Variants in ANK2 observed in about 807,000 individuals in gnomAD.
ANK2 encodes ankyrin-2.
In ANK2, 83 loss-of-function variants were observed where a neutral mutation model predicts 360.5. The ratio of observed to expected loss-of-function variants is 0.23; its 90% CI spans 0.19 to 0.28. The LOEUF (loss-of-function observed/expected upper bound fraction) is 0.28, where lower values mean the gene tolerates loss of function less well. Ranked by LOEUF, ANK2 falls within the 10% of genes least tolerant of loss-of-function variation. ANK2 has a pLI of 1.00. For missense variants in ANK2, 4,201 were observed against 4,795.7 expected (o/e 0.88, Z 3.66); for synonymous variants, 1,740 against 1,759.5 (o/e 0.99, Z 0.28).
At chr4:113,257,545 A>C (rs1439756142) in intron 11 of ANK2, among the ~76,000 whole-genome samples, 1 of 152,222 alleles carries the variant, frequency 6.6e-6, no homozygotes, top group African/African-American at 2.4e-5. Context: ...TGCTGACTAG[A>C]AATATGCCCT....
intron 1 of ANK2, among the ~76,000 whole-genome samples, chr4:113,074,419 A>G (rs1424879331): frequency 6.6e-6 from 1 of 152,098 alleles, no homozygotes; most frequent in Non-Finnish European, 1.5e-5. Flanking sequence ...TGGCCTCAGT[A>G]TTTTTTCATA....
intron 4 of ANK2, among the ~76,000 whole-genome samples, chr4:113,207,037 C>T (rs565285342): frequency 3.3e-5 from 5 of 152,056 alleles, no homozygotes; most frequent in African/African-American, 1.2e-4. Context: ...AAAAAATTGC[C>T]AAGAAAGACA....
intron 2 of ANK2, among the ~76,000 whole-genome samples, chr4:113,193,140 A>G (rs910410415): frequency 6.6e-6 from 1 of 152,114 alleles, no homozygotes; most frequent in South Asian, 2.1e-4. Flanking sequence ...CAAATTCCAG[A>G]TCTCATTGTA....
chr4:113,024,131 C>G (rs1386818966), intron 2 of ANK2, among the ~76,000 whole-genome samples: 1 of 151,916 alleles, frequency 6.6e-6, no homozygotes, highest in Non-Finnish European at 1.5e-5. Flanking sequence ...CTTAAAGAGA[C>G]CAAGAAAGAG....
Position 113,381,703 on chromosome 4 carries a change from G to A in ANK2, c.*232G>A, listed in dbSNP as rs2097176674. The A allele has an allele frequency of 7.3e-6, 11 of 1,507,968 alleles. No individual in the cohort carries two copies. The highest frequency in any genetic ancestry group is 9.8e-6 in the Non-Finnish European group (11 of 1,123,676). The allele number at this position is 1,507,968 out of a possible 1,614,324, so 93.4% of individuals were successfully genotyped here. A position where few individuals can be genotyped will look rare whatever the true frequency, so the allele number is the denominator to read the frequency against. On this transcript the variant is annotated 3_prime_UTR_variant, in exon 46 of 46. Coordinates refer to ENST00000357077, the MANE Select transcript of ANK2 (RefSeq NM_001148.6). ...ACTCAATATGCAGCTTCCTGTTTCAGTAGGGGAGTGACCTAACTGGCCTAA... is the reference window on the plus strand; with the variant it reads ...ACTCAATATGCAGCTTCCTGTTTCAATAGGGGAGTGACCTAACTGGCCTAA...
rs186054853 is a variant in ANK2, at chr4:113,285,624, C to T, written c.2080-1981C>T. ...ATGCCCTTCCTGGGTGCACCACCCT[C>T]CACAAGGAAGCTCCAAGTGTTCAGC... On this transcript the variant is annotated intron_variant, in intron 18 of 45. Coordinates refer to ENST00000357077, the MANE Select transcript of ANK2 (RefSeq NM_001148.6). Among the ~76,000 whole-genome samples, 604 of 152,326 alleles carry T rather than the reference C, an allele frequency of 4.0e-3. 5 individuals are homozygous for T. Among genetic ancestry groups the T allele is most frequent in the Middle Eastern group, 0.034 (10 of 294 alleles).
the ANK2 span, among the ~76,000 whole-genome samples, chr4:112,790,715 T>C: frequency 6.6e-6 from 1 of 152,080 alleles, no homozygotes; most frequent in East Asian, 1.9e-4. Flanking sequence ...CTCGAACTCC[T>C]GGACTAAGCG....
chr4:112,905,424 A>G (rs1412657353), intron 2 of ANK2, among the ~76,000 whole-genome samples: 1 of 152,220 alleles, frequency 6.6e-6, no homozygotes, highest in African/African-American at 2.4e-5. Context: ...TTTTTAAAGC[A>G]TTTCTCATTT....
At chr4:112,878,511 G>A (rs891943671) in intron 1 of ANK2, among the ~76,000 whole-genome samples, 3 of 151,818 alleles carry the variant, frequency 2.0e-5, no homozygotes, top group Non-Finnish European at 2.9e-5. Flanking sequence ...ATTTTTAGTA[G>A]AAGGGAGTTT....
chr4:112,735,212 C>G, the ANK2 span, among the ~76,000 whole-genome samples: 2 of 152,168 alleles, frequency 1.3e-5, no homozygotes, highest in East Asian at 3.9e-4. Context: ...TAGTGAAACC[C>G]TGTTTCTACA....
chr4:113,048,263 T>G (rs1159534725), upstream of ANK2, among the ~76,000 whole-genome samples: 5 of 91,856 alleles, frequency 5.4e-5, no homozygotes, highest in Non-Finnish European at 9.6e-5. Context: ...TATATATATA[T>G]ATATATATAT....
At position 112,827,392 on chromosome 4, in the gene ANK2, G is replaced by C. The variant is rs1211850688; in HGVS notation, c.-40+9128G>C. 3.6e-6 allele frequency: 5 copies of C among 1,376,034 alleles called. No individual in the cohort carries two copies. The East Asian group carries it at 1.1e-4, about 31-fold the overall frequency. The allele number at this position is 1,376,034 out of a possible 1,614,324, so 85.2% of individuals were successfully genotyped here. On this transcript the variant is annotated intron_variant, in intron 1 of 30. Coordinates refer to the ANK2 transcript ENST00000503271. ...TAGAGATGCTAATCTCACAGCTCTT[G>C]CAGCTATTGGACCAAGGAAGAAGAG...
chr4:113,256,646 G>A (rs1379314175), intron 11 of ANK2, among the ~76,000 whole-genome samples: 1 of 152,138 alleles, frequency 6.6e-6, no homozygotes, highest in Non-Finnish European at 1.5e-5. Flanking sequence ...TATGCCTCTT[G>A]TGTCCTAATT....
chr4:113,196,868 C>T (rs1457332517), intron 3 of ANK2, among the ~76,000 whole-genome samples: 1 of 152,146 alleles, frequency 6.6e-6, no homozygotes, highest in Non-Finnish European at 1.5e-5. Context: ...GCTAGAACAC[C>T]AAGATTCTTA....
chr4:113,018,773 T>C (rs2057318030), intron 2 of ANK2, among the ~76,000 whole-genome samples: 1 of 152,234 alleles, frequency 6.6e-6, no homozygotes, highest in African/African-American at 2.4e-5. Context: ...AGGGCTAATT[T>C]GCAGGTAGTG....
At position 113,072,742 on chromosome 4, in the gene ANK2, A is replaced by ATTTTTTTTTTTTTTTTTTTTTTTTTTTT. The variant is rs34098456; in HGVS notation, c.84+22953_84+22954insTTTTTTTTTTTTTTTTTTTTTTTTTTTT. 4.0e-5 allele frequency among the ~76,000 whole-genome samples: 3 copies of ATTTTTTTTTTTTTTTTTTTTTTTTTTTT among 74,220 alleles called. 1 individual carries two copies. The highest frequency in any genetic ancestry group is 1.3e-4 in the African/African-American group (3 of 22,434). The allele number at this position is 74,220 out of a possible 152,430, so 48.7% of individuals were successfully genotyped here. On this transcript the variant is annotated intron_variant, in intron 1 of 45. Transcript: ENST00000357077. ...TCCCTTAAAATAGACACTTGGCATAATTTTTTTTTTTTTTTTTTTTTTTGC... is the reference window on the plus strand; with the variant it reads ...TCCCTTAAAATAGACACTTGGCATAATTTTTTTTTTTTTTTTTTTTTTTTTTTTTTTTTTTTTTTTTTTTTTTTTTTGC...
At chr4:113,128,802 A>G (rs1374366110) in intron 1 of ANK2, among the ~76,000 whole-genome samples, 1 of 152,112 alleles carries the variant, frequency 6.6e-6, no homozygotes, top group African/African-American at 2.4e-5. Flanking sequence ...TTTAATATAT[A>G]CACAGATAGA....
rs1158530849 is a variant in ANK2 at position 113,163,764 on chromosome 4, CAAAAAAAAAAAA to C, written c.85-10635_85-10624del. Among the ~76,000 whole-genome samples, 23 of 55,050 alleles carry C rather than the reference CAAAAAAAAAAAA, an allele frequency of 4.2e-4. 1 individual carries two copies. Among genetic ancestry groups the C allele is most frequent in the South Asian group, 2.2e-3 (3 of 1,374 alleles). The allele number at this position is 55,050 out of a possible 152,430, so 36.1% of individuals were successfully genotyped here. ...GGGCAACAAGAGTGAAACTTCGTCT[CAAAAAAAAAAAA>C]AAAAAAAAAAAAAAAAGAAAACCCA... On this transcript the variant is annotated intron_variant, in intron 1 of 45. Coordinates refer to ENST00000357077, the MANE Select transcript of ANK2 (RefSeq NM_001148.6).
chr4:113,282,685 C>A lies in ANK2; in HGVS notation c.1892C>A (p.Thr631Asn). 6.2e-7 allele frequency: 1 copy of A among 1,612,302 alleles called. No homozygotes were observed. Among genetic ancestry groups the A allele is most frequent in the Non-Finnish European group, 8.5e-7 (1 of 1,178,936 alleles). The stretch of plus-strand genomic sequence containing the variant: ...TTTTGTTCTTTTTAGAATGGCTATA[C>A]TCCGTTACATATTGCTGCCAAGAAG... ...SPHATAKNGY[T>N]PLHIAAKKNQ... Residue 631 changes from threonine (T) to asparagine (N), a missense_variant, in exon 18 of 46, where the codon ACT (threonine) becomes AAT (asparagine). Coordinates refer to ENST00000357077, the MANE Select transcript of ANK2 (RefSeq NM_001148.6).
Sources: allele counts gnomAD v4.1 joint callset (sites outside exome capture counted in the v4.1 genomes callset), GRCh38; gene constraint gnomAD v4.1.1; transcripts MANE v1.5; gene names NCBI Gene and HGNC (gene_info 2026-07-23, HGNC 2026-07-21).